ERBB4: variants seen among roughly 807,000 people sequenced by gnomAD.
ERBB4 encodes erb-b2 receptor tyrosine kinase 4, also known as receptor tyrosine-protein kinase erbB-4.
ERBB4 carries 42 observed loss-of-function variants against 158.0 expected under a neutral mutation model. That is an observed-to-expected ratio of 0.27 (90% CI 0.21 to 0.34). ERBB4 has a LOEUF of 0.34. Ranked by LOEUF, ERBB4 falls within the 10% of genes least tolerant of loss-of-function variation. The pLI is 1.00. For missense variants in ERBB4, 1,333 were observed against 1,624.1 expected (o/e 0.82, Z 3.08); for synonymous variants, 583 against 558.7 (o/e 1.04, Z -0.61).
chr2:211,711,730 T>C (rs545172996), intron 9 of ERBB4, among the ~76,000 whole-genome samples: 1 of 152,312 alleles, frequency 6.6e-6, no homozygotes, highest in African/African-American at 2.4e-5. Context: ...CAACCAATGA[T>C]ACTTTTTTCC....
At chr2:212,311,938 A>G (rs1193725513) in intron 1 of ERBB4, among the ~76,000 whole-genome samples, 1 of 151,018 alleles carries the variant, frequency 6.6e-6, no homozygotes, top group Non-Finnish European at 1.5e-5. Flanking sequence ...ACAGAAAGGG[A>G]GAGGATGCCC....
intron 20 of ERBB4, among the ~76,000 whole-genome samples, chr2:211,541,105 G>C (rs1027428255): frequency 1.3e-5 from 2 of 151,802 alleles, no homozygotes; most frequent in African/African-American, 4.8e-5. Flanking sequence ...GGGGGAAAAG[G>C]TACAATGTGG....
intron 20 of ERBB4, among the ~76,000 whole-genome samples, chr2:211,531,998 G>A (rs2066512956): frequency 6.6e-6 from 1 of 152,052 alleles, no homozygotes; most frequent in Non-Finnish European, 1.5e-5. Flanking sequence ...CAACATGGAT[G>A]GAACTGGAGG....
At chr2:212,334,760 G>A (rs1560046510) in intron 1 of ERBB4, among the ~76,000 whole-genome samples, 1 of 152,038 alleles carries the variant, frequency 6.6e-6, no homozygotes, top group East Asian at 1.9e-4. Context: ...AAAATCTGAT[G>A]CCAATGAATT....
intron 3 of ERBB4, among the ~76,000 whole-genome samples, chr2:211,800,290 T>G (rs2105887753): frequency 6.6e-6 from 1 of 152,220 alleles, no homozygotes; most frequent in East Asian, 1.9e-4. Context: ...CTTACAGAAA[T>G]CCTATGAGGT....
At chr2:212,462,859 C>A (rs1688644027) in intron 1 of ERBB4, among the ~76,000 whole-genome samples, 1 of 151,952 alleles carries the variant, frequency 6.6e-6, no homozygotes, top group Admixed American at 6.6e-5. Flanking sequence ...AACTAAGTAT[C>A]TATTAACAGA....
At chr2:212,124,495 T>C (rs1180653398) in intron 2 of ERBB4, 4 of 485,254 alleles carry the variant, frequency 8.2e-6, no homozygotes, top group African/African-American at 1.9e-5. Context: ...AGATGTCATG[T>C]ACTACATGGT....
At chr2:211,638,747 T>G (rs955467382) in intron 16 of ERBB4, among the ~76,000 whole-genome samples, 17 of 152,188 alleles carry the variant, frequency 1.1e-4, no homozygotes, top group African/African-American at 4.1e-4. Flanking sequence ...GTAGAGATAT[T>G]GCCATTAAAT....
At chr2:211,794,916 T>C (rs1004203979) in intron 3 of ERBB4, among the ~76,000 whole-genome samples, 1 of 151,918 alleles carries the variant, frequency 6.6e-6, no homozygotes, top group Non-Finnish European at 1.5e-5. Flanking sequence ...AAAAGTCACA[T>C]AGACTCAAAG....
chr2:212,231,032 G>A (rs376185115), intron 1 of ERBB4, among the ~76,000 whole-genome samples: 22 of 152,086 alleles, frequency 1.4e-4, no homozygotes, highest in Non-Finnish European at 2.5e-4. Context: ...TTGAATCTTC[G>A]AAATACAGTT....
intron 3 of ERBB4, among the ~76,000 whole-genome samples, chr2:211,832,524 T>C (rs1019239896): frequency 6.6e-6 from 1 of 151,870 alleles, no homozygotes; most frequent in African/African-American, 2.4e-5. Context: ...CCTTATCAAA[T>C]ACTGAAATAT....
chr2:211,426,066 C>T (rs1254863689), intron 22 of ERBB4, among the ~76,000 whole-genome samples: 2 of 151,738 alleles, frequency 1.3e-5, no homozygotes, highest in East Asian at 1.9e-4. Context: ...ACATTTCTAG[C>T]AGAACTCCCA....
intron 20 of ERBB4, among the ~76,000 whole-genome samples, chr2:211,435,966 T>G (rs34714453): frequency 0.48 from 72,071 of 151,460 alleles, 18,844 homozygotes; most frequent in Middle Eastern, 0.6. Context: ...TTTCTTTGTT[T>G]TTTTTTTTGA....
chr2:212,097,105 A>G (rs942403757), intron 2 of ERBB4, among the ~76,000 whole-genome samples: 2 of 152,158 alleles, frequency 1.3e-5, no homozygotes, highest in African/African-American at 2.4e-5. Context: ...AGTACTACGC[A>G]CTGGCAATAT....
chr2:211,971,340 T>C (rs2081446307), intron 2 of ERBB4, among the ~76,000 whole-genome samples: 2 of 152,040 alleles, frequency 1.3e-5, no homozygotes, highest in South Asian at 4.2e-4. Flanking sequence ...TCCTGGACTC[T>C]CCCAAAACTG....
At chr2:212,463,625 A>G (rs1688684788) in intron 1 of ERBB4, among the ~76,000 whole-genome samples, 1 of 152,120 alleles carries the variant, frequency 6.6e-6, no homozygotes, top group Admixed American at 6.6e-5. Flanking sequence ...AAAGCCTCAG[A>G]AGACTGAAAT....
intron 1 of ERBB4, among the ~76,000 whole-genome samples, chr2:212,407,620 G>A (rs1159788935): frequency 6.6e-6 from 1 of 151,990 alleles, no homozygotes; most frequent in African/African-American, 2.4e-5. Flanking sequence ...AAATTCAAGA[G>A]TATGTGTAAT....
chr2:212,474,713 A>G (rs887324018), intron 1 of ERBB4, among the ~76,000 whole-genome samples: 9 of 151,920 alleles, frequency 5.9e-5, no homozygotes, highest in African/African-American at 2.2e-4. Flanking sequence ...CTCCTAACAC[A>G]GTCAAGTTCT....
chr2:211,898,547 A>G (rs1295733335), intron 3 of ERBB4, among the ~76,000 whole-genome samples: 1 of 152,124 alleles, frequency 6.6e-6, no homozygotes, highest in African/African-American at 2.4e-5. Context: ...CTATTCAAAA[A>G]CCATTTTCTG....
Sources: gnomAD v4.1 joint callset for allele counts (sites outside exome capture counted in the v4.1 genomes callset) on GRCh38, gnomAD v4.1.1 for gene constraint, MANE v1.5 for transcripts, NCBI Gene and HGNC (gene_info 2026-07-23, HGNC 2026-07-21) for gene names.